ENTREP2: variants seen among roughly 807,000 people sequenced by gnomAD.
The protein encoded by ENTREP2 is endosomal transmembrane epsin interactor 2, also known as protein ENTREP2.
At chr15:29,655,238 A>G in the ENTREP2 span, among the ~76,000 whole-genome samples, 1 of 152,218 alleles carries the variant, frequency 6.6e-6, no homozygotes, top group Admixed American at 6.5e-5. Flanking sequence ...ACTACAGCTG[A>G]GAGTGTAACA....
the ENTREP2 span, among the ~76,000 whole-genome samples, chr15:29,667,250 G>T: frequency 6.6e-6 from 1 of 151,064 alleles, no homozygotes; most frequent in Admixed American, 6.6e-5. Flanking sequence ...TGCAGTGGCG[G>T]GATCTTGGCT....
At chr15:29,394,715 A>G in the ENTREP2 span, among the ~76,000 whole-genome samples, 3 of 151,922 alleles carry the variant, frequency 2.0e-5, no homozygotes, top group Admixed American at 2.0e-4. Context: ...GTATCCATTA[A>G]TTTACACCGA....
At chr15:29,298,871 T>G in the ENTREP2 span, among the ~76,000 whole-genome samples, 6 of 149,382 alleles carry the variant, frequency 4.0e-5, no homozygotes, top group African/African-American at 1.5e-4. Flanking sequence ...AAAGGCAGCA[T>G]AATCTTAGTA....
the ENTREP2 span, among the ~76,000 whole-genome samples, chr15:29,650,299 G>A: frequency 5.9e-5 from 9 of 152,198 alleles, no homozygotes; most frequent in South Asian, 4.2e-4. Flanking sequence ...TTACTACTTC[G>A]TCAAAAATCT....
chr15:29,314,855 G>A, the ENTREP2 span, among the ~76,000 whole-genome samples: 1 of 151,982 alleles, frequency 6.6e-6, no homozygotes, highest in Non-Finnish European at 1.5e-5. Flanking sequence ...AGTTTGAGAC[G>A]ATCCTGGGCA....
the ENTREP2 span, among the ~76,000 whole-genome samples, chr15:29,550,618 C>T: frequency 2.6e-5 from 4 of 152,114 alleles, no homozygotes; most frequent in African/African-American, 7.2e-5. Context: ...CTTGTTCTTG[C>T]CATAAATTAA....
the ENTREP2 span, among the ~76,000 whole-genome samples, chr15:29,133,043 G>A: frequency 6.6e-6 from 1 of 152,140 alleles, no homozygotes; most frequent in African/African-American, 2.4e-5. Context: ...GGGTCCATCT[G>A]CCGCCCTGCC....
the ENTREP2 span, among the ~76,000 whole-genome samples, chr15:29,655,915 C>T: frequency 6.6e-6 from 1 of 151,170 alleles, no homozygotes; most frequent in Non-Finnish European, 1.5e-5. Flanking sequence ...ATCCCAGCTA[C>T]TCAGGATGCT....
the ENTREP2 span, among the ~76,000 whole-genome samples, chr15:29,652,992 A>G: frequency 6.6e-6 from 1 of 151,058 alleles, no homozygotes; most frequent in Non-Finnish European, 1.5e-5. Context: ...ATCCCATAAG[A>G]AAGGTTCTTA....
At chr15:29,324,675 T>C in the ENTREP2 span, among the ~76,000 whole-genome samples, 1 of 152,164 alleles carries the variant, frequency 6.6e-6, no homozygotes, top group Admixed American at 6.5e-5. Context: ...CGAGCATCCA[T>C]AGTGATATAA....
At chr15:29,268,435 C>A in the ENTREP2 span, 2 of 231,834 alleles carry the variant, frequency 8.6e-6, no homozygotes, top group Non-Finnish European at 1.6e-5. Flanking sequence ...AGTTAGGAGA[C>A]CTGATAATAG....
At chr15:29,202,164 T>C in the ENTREP2 span, among the ~76,000 whole-genome samples, 1 of 152,150 alleles carries the variant, frequency 6.6e-6, no homozygotes, top group Non-Finnish European at 1.5e-5. Context: ...TCTAACTTTT[T>C]TTCTTGCTAG....
the ENTREP2 span, among the ~76,000 whole-genome samples, chr15:29,633,399 T>C: frequency 1.3e-5 from 2 of 152,160 alleles, no homozygotes; most frequent in Admixed American, 6.5e-5. Flanking sequence ...ATGTATTTTA[T>C]GTCAAATAAT....
the ENTREP2 span, among the ~76,000 whole-genome samples, chr15:29,345,483 C>A: frequency 6.6e-6 from 1 of 152,102 alleles, no homozygotes; most frequent in Non-Finnish European, 1.5e-5. Flanking sequence ...TGCACCAAGG[C>A]CCCTTCTACC....
chr15:29,539,831 G>C, the ENTREP2 span, among the ~76,000 whole-genome samples: 683 of 152,246 alleles, frequency 4.5e-3, 5 homozygotes, highest in Middle Eastern at 6.8e-3. Flanking sequence ...AAAATCCCCT[G>C]AGTGACAAAT....
At chr15:29,188,806 G>T in the ENTREP2 span, among the ~76,000 whole-genome samples, 1 of 152,210 alleles carries the variant, frequency 6.6e-6, no homozygotes, top group Non-Finnish European at 1.5e-5. Flanking sequence ...CCATTCTCCA[G>T]AGAAGGGACA....
the ENTREP2 span, among the ~76,000 whole-genome samples, chr15:29,258,212 C>CAAAAAAAAAAAAAAAAAAAAA: frequency 2.5e-5 from 3 of 118,336 alleles, no homozygotes; most frequent in African/African-American, 9.8e-5. Context: ...GGCTCAGTCT[C>CAAAAAAAAAAAAAAAAAAAAA]AAAAAAAAAA....
the ENTREP2 span, among the ~76,000 whole-genome samples, chr15:29,254,053 T>C: frequency 6.8e-6 from 1 of 146,986 alleles, no homozygotes; most frequent in African/African-American, 2.5e-5. Context: ...CCTATGTAAA[T>C]AATTAGGCCA....
chr15:29,485,272 C>A, the ENTREP2 span, among the ~76,000 whole-genome samples: 1 of 152,170 alleles, frequency 6.6e-6, no homozygotes, highest in Admixed American at 6.5e-5. Context: ...CCCAAATCCA[C>A]CCTCCTCTCC....
Sources: gnomAD v4.1 joint callset for allele counts (sites outside exome capture counted in the v4.1 genomes callset) on GRCh38, gnomAD v4.1.1 for gene constraint, MANE v1.5 for transcripts, NCBI Gene and HGNC (gene_info 2026-07-23, HGNC 2026-07-21) for gene names.